Variants in KCNH8 observed in about 807,000 individuals in gnomAD.
The protein encoded by KCNH8 is potassium voltage-gated channel subfamily H member 8.
KCNH8 carries 70 observed loss-of-function variants against 103.6 expected under a neutral mutation model. The ratio of observed to expected loss-of-function variants is 0.68; its 90% CI spans 0.56 to 0.82. KCNH8 has a LOEUF of 0.82. Among genes scored for constraint, KCNH8 ranks in the 40% least tolerant of loss-of-function variants. KCNH8 has a pLI of 0.00. For missense variants in KCNH8, 1,217 were observed against 1,329.9 expected (o/e 0.92, Z 1.32); for synonymous variants, 498 against 489.4 (o/e 1.02, Z -0.23).
At chr3:19,336,445 T>C (rs62279481) in intron 3 of KCNH8, among the ~76,000 whole-genome samples, 7,368 of 151,992 alleles carry the variant, frequency 0.048, 218 homozygotes, top group East Asian at 0.13. Context: ...TCAACTGTTA[T>C]GAATGTTCCA....
chr3:19,304,485 G>A (rs184919834), intron 3 of KCNH8, among the ~76,000 whole-genome samples: 33 of 152,034 alleles, frequency 2.2e-4, no homozygotes, highest in African/African-American at 3.4e-4. Context: ...GAATAAATAC[G>A]ATATTCATGA....
At chr3:19,175,423 G>A (rs1290638177) in intron 1 of KCNH8, among the ~76,000 whole-genome samples, 1 of 151,836 alleles carries the variant, frequency 6.6e-6, no homozygotes, top group Admixed American at 6.6e-5. Context: ...GGGTTTCACC[G>A]TGGTCTCGAT....
rs546164109 is a variant in KCNH8, at chr3:19,267,211, G to A, written c.310+13324G>A. On this transcript the variant is annotated intron_variant, in intron 2 of 15. Transcript: ENST00000328405. Reference sequence around the variant, plus strand: ...CCCCTGAGCATGCTGGCAAGAAAAGGCCAGGGGAAAGCACCTGAGAAGACA... The same window carrying A: ...CCCCTGAGCATGCTGGCAAGAAAAGACCAGGGGAAAGCACCTGAGAAGACA... 2.0e-5 allele frequency among the ~76,000 whole-genome samples: 3 copies of A among 152,194 alleles called. No homozygotes were observed. The South Asian group carries it at 6.2e-4, about 32-fold the overall frequency.
In KCNH8 at chr3:19,173,781, A is replaced by G. The variant is rs564242885; in HGVS notation, c.76+24986A>G. 2.6e-5 allele frequency among the ~76,000 whole-genome samples: 4 copies of G among 152,214 alleles called. No individual in the cohort carries two copies. The South Asian group carries it at 8.3e-4, about 32-fold the overall frequency. Reference sequence around the variant, plus strand: ...AAATTCACATAACAAAGGAGTTATAACTGATTCTCTTGATTATTGCATATT... The same window carrying G: ...AAATTCACATAACAAAGGAGTTATAGCTGATTCTCTTGATTATTGCATATT... On this transcript the variant is annotated intron_variant, in intron 1 of 15. Coordinates refer to ENST00000328405, the MANE Select transcript of KCNH8 (RefSeq NM_144633.3).
intron 15 of KCNH8, among the ~76,000 whole-genome samples, 192 bp from the exon 16 acceptor site, chr3:19,533,203 C>CAA (rs201886115): frequency 1.2e-4 from 8 of 64,878 alleles, no homozygotes; most frequent in East Asian, 6.8e-4. Flanking sequence ...GACTCCGTCT[C>CAA]AAAAAAAAAA....
At chr3:19,441,366 C>T (rs1343513077) in intron 8 of KCNH8, among the ~76,000 whole-genome samples, 1 of 152,118 alleles carries the variant, frequency 6.6e-6, no homozygotes, top group African/African-American at 2.4e-5. Context: ...GCCTTCCAAC[C>T]CCAGGAAAAC....
intron 11 of KCNH8, among the ~76,000 whole-genome samples, chr3:19,478,060 A>C (rs1288139387): frequency 6.6e-6 from 1 of 152,166 alleles, no homozygotes; most frequent in Non-Finnish European, 1.5e-5. Flanking sequence ...AATGGCCTCC[A>C]GTTACACCCA....
intron 1 of KCNH8, among the ~76,000 whole-genome samples, chr3:19,181,323 GA>G (rs2063450945): frequency 6.6e-6 from 1 of 151,662 alleles, no homozygotes; most frequent in Non-Finnish European, 1.5e-5. Context: ...CCAGAAGTTA[GA>G]AAAAGAAAAA....
chr3:19,179,352 T>C (rs1301650969), intron 1 of KCNH8, among the ~76,000 whole-genome samples: 1 of 152,172 alleles, frequency 6.6e-6, no homozygotes, highest in African/African-American at 2.4e-5. Context: ...TTACTGGTCA[T>C]TTGAAAGATA....
chr3:19,255,449 C>A (rs1394233343), intron 2 of KCNH8, among the ~76,000 whole-genome samples: 1 of 151,930 alleles, frequency 6.6e-6, no homozygotes, highest in South Asian at 2.1e-4. Context: ...ATTTGAATAC[C>A]CTGTATTCCT....
At chr3:19,382,267 T>G (rs1415400718) in intron 5 of KCNH8, among the ~76,000 whole-genome samples, 1 of 152,128 alleles carries the variant, frequency 6.6e-6, no homozygotes, top group African/African-American at 2.4e-5. Flanking sequence ...GGGTAAGAAT[T>G]ATAGTAAATC....
chr3:19,292,405 A>G (rs765393818), intron 3 of KCNH8, among the ~76,000 whole-genome samples: 1 of 152,218 alleles, frequency 6.6e-6, no homozygotes, highest in African/African-American at 2.4e-5. Flanking sequence ...GGCAAGCTGC[A>G]GCAGGTTGGC....
chr3:19,403,397 TATAAAATC>T, intron 7 of KCNH8, among the ~76,000 whole-genome samples: 2 of 122,480 alleles, frequency 1.6e-5, no homozygotes, highest in South Asian at 5.4e-4. Flanking sequence ...TATATATATA[TATAAAATC>T]CTTCTGTTTA....
chr3:19,350,780 C>T (rs980236412), intron 5 of KCNH8, among the ~76,000 whole-genome samples: 3 of 152,054 alleles, frequency 2.0e-5, no homozygotes, highest in African/African-American at 7.2e-5. Context: ...TGGGGAGAAA[C>T]CAGAGCAGAA....
At chr3:19,491,854 A>T (rs1051335504) in intron 11 of KCNH8, among the ~76,000 whole-genome samples, 23 of 152,288 alleles carry the variant, frequency 1.5e-4, no homozygotes, top group Middle Eastern at 3.4e-3. Flanking sequence ...TGACTTTTTA[A>T]TAACAGCCAT....
chr3:19,379,152 C>G (rs982002197), intron 5 of KCNH8, among the ~76,000 whole-genome samples: 1 of 152,140 alleles, frequency 6.6e-6, no homozygotes, highest in Non-Finnish European at 1.5e-5. Context: ...TATTTCGTAA[C>G]AGATTGAAAA....
At position 19,535,407 on chromosome 3, in the gene KCNH8, A is replaced by G. The variant is rs924765355; in HGVS notation, c.*1308A>G. On this transcript the variant is annotated 3_prime_UTR_variant, in exon 16 of 16. Transcript: ENST00000328405. ...GAGATTACACAGTTAGGATGCTGAC[A>G]CAGTCTAGAATCCATAATGCTCCCT... The G allele has an allele frequency of 6.6e-6, 1 of 152,202 alleles. No homozygotes were observed. The highest frequency in any genetic ancestry group is 1.5e-5 in the Non-Finnish European group (1 of 68,040). The allele number at this position is 152,202 out of a possible 1,614,324, so 9.4% of individuals were successfully genotyped here. A position where few individuals can be genotyped will look rare whatever the true frequency, so the allele number is the denominator to read the frequency against.
chr3:19,490,626 C>G (rs1390516445), intron 11 of KCNH8, among the ~76,000 whole-genome samples: 1 of 152,168 alleles, frequency 6.6e-6, no homozygotes. Context: ...TCATTTCTGC[C>G]TTTCAGTTTT....
chr3:19,440,795 T>C (rs2067271849), intron 8 of KCNH8, among the ~76,000 whole-genome samples: 1 of 152,214 alleles, frequency 6.6e-6, no homozygotes, highest in Non-Finnish European at 1.5e-5. Flanking sequence ...TGTTCCATTC[T>C]CTGTTCTAAG....
Sources: gnomAD v4.1 joint callset for allele counts (sites outside exome capture counted in the v4.1 genomes callset) on GRCh38, gnomAD v4.1.1 for gene constraint, MANE v1.5 for transcripts, NCBI Gene and HGNC (gene_info 2026-07-23, HGNC 2026-07-21) for gene names.